TCTN1: variants seen among roughly 807,000 people sequenced by gnomAD.
TCTN1 encodes the protein tectonic-1.
TCTN1 carries 58 observed loss-of-function variants against 65.8 expected under a neutral mutation model. The observed-to-expected ratio is 0.88, with a 90% CI of 0.71 to 1.10. The LOEUF (loss-of-function observed/expected upper bound fraction) is 1.10, where lower values mean the gene tolerates loss of function less well. TCTN1 is among the 50% of genes least tolerant of loss of function. The pLI, the probability that TCTN1 is intolerant of heterozygous loss-of-function variation, is 0.00. For missense variants in TCTN1, 645 were observed against 719.4 expected, an observed-to-expected ratio of 0.90 and a Z score of 1.18; for synonymous variants, 273 against 289.1, an observed-to-expected ratio of 0.94 and a Z score of 0.57.
At chr12:110,637,544 A>C (rs1168815497) in intron 7 of TCTN1, among the ~76,000 whole-genome samples, 1 of 152,068 alleles carries the variant, frequency 6.6e-6, no homozygotes, top group Non-Finnish European at 1.5e-5. Flanking sequence ...ACCCTTTCTT[A>C]AATGCAGTCT....
At chr12:110,635,681 G>A (rs1378839598) in intron 6 of TCTN1, 6 of 152,266 alleles carry the variant, frequency 3.9e-5, no homozygotes, top group African/African-American at 9.6e-5. Context: ...AGAAACATAC[G>A]ATTATTGTCA....
At chr12:110,628,987 G>A (rs2066041897) in intron 4 of TCTN1, 69 bp downstream of exon 4, 1 of 1,590,558 alleles carries the variant, frequency 6.3e-7, no homozygotes, top group South Asian at 1.1e-5. Context: ...TAATTTTCAA[G>A]GTTACCAGGA....
At chr12:110,614,506 CTGTG>C (rs1485469797) in intron 1 of TCTN1, 104 bp downstream of exon 1, 2 of 1,537,394 alleles carry the variant, frequency 1.3e-6, no homozygotes, top group Non-Finnish European at 1.7e-6. Flanking sequence ...TGAGCACTTA[CTGTG>C]TGCAGACACT....
At chr12:110,622,596 C>T (rs2065513167) in intron 2 of TCTN1, among the ~76,000 whole-genome samples, 1 of 152,002 alleles carries the variant, frequency 6.6e-6, no homozygotes, top group African/African-American at 2.4e-5. Flanking sequence ...AAGGGCATTC[C>T]AGGCAGAGGG....
At chr12:110,647,687 T>C in intron 13 of TCTN1, 62 bp from the exon 14 acceptor site, 1 of 1,609,702 alleles carries the variant, frequency 6.2e-7, no homozygotes, top group South Asian at 1.1e-5. Flanking sequence ...GAAAAGTGTC[T>C]CATTGTTGTC....
At chr12:110,627,753 AT>A in intron 3 of TCTN1, 1 of 457,692 alleles carries the variant, frequency 2.2e-6, no homozygotes, top group Non-Finnish European at 3.8e-6. Flanking sequence ...CAGGATCTTT[AT>A]TTTTATCTGA....
Position 110,645,124 on chromosome 12 carries a change from A to G in TCTN1, c.1489A>G (p.Arg497Gly). ...CCACTTCATCACCCAGTCATTCAACAGGAAGGTAAAGGGGAGAAGGTACAG... is the reference window on the plus strand; with the variant it reads ...CCACTTCATCACCCAGTCATTCAACGGGAAGGTAAAGGGGAGAAGGTACAG... ...PIHFITQSFN[R>G]KHFVLQDSCQ... The change falls in exon 12 of 15, where the codon AGG becomes GGG. Residue 497 changes from arginine (R) to glycine (G), a missense_variant. Coordinates refer to ENST00000397659, the MANE Select transcript of TCTN1 (RefSeq NM_001082538.3). 6.2e-7 allele frequency: 1 copy of G among 1,613,994 alleles called. No homozygotes were observed. The highest frequency in any genetic ancestry group is 1.1e-5 in the South Asian group (1 of 91,080).
chr12:110,644,922 A>G lies in TCTN1; in HGVS notation c.1332-45A>G, dbSNP rs773778806. ...GAAGAAAATGAAAAACTGCTGGTGG[A>G]TGAACAACAGCCTCATTCAGTTGAC... On this transcript the variant is annotated intron_variant, in intron 11 of 14. Coordinates refer to ENST00000397659, the MANE Select transcript of TCTN1 (RefSeq NM_001082538.3). The surrounding 1 kb of genome is among the most constrained non-coding windows in gnomAD (Gnocchi z 4.6). 1.2e-6 allele frequency: 2 copies of G among 1,611,354 alleles called. No homozygotes were observed. The highest frequency in any genetic ancestry group is 2.7e-5 in the African/African-American group (2 of 74,892).
Position 110,641,009 on chromosome 12 carries a change from T to C in TCTN1, c.979-15T>C. On this transcript the variant is annotated splice_polypyrimidine_tract_variant and intron_variant, in intron 8 of 14. Coordinates refer to ENST00000397659, the MANE Select transcript of TCTN1 (RefSeq NM_001082538.3). ...TAATGGAACAGGTATATTTGGAGTA[T>C]CATTTTGTTTTTAGGTAAAGTACAG... 1.9e-6 allele frequency: 3 copies of C among 1,614,192 alleles called. No homozygotes were observed. The highest frequency in any genetic ancestry group is 1.3e-5 in the African/African-American group (1 of 75,054).
At chr12:110,646,522 G>C (rs894291140) in intron 12 of TCTN1, 2 of 153,022 alleles carry the variant, frequency 1.3e-5, no homozygotes, top group African/African-American at 4.8e-5. Flanking sequence ...TGCCAAGGCA[G>C]GAAAAAGCCC....
At chr12:110,622,055 T>C (rs1204454482) in intron 2 of TCTN1, among the ~76,000 whole-genome samples, 1 of 151,856 alleles carries the variant, frequency 6.6e-6, no homozygotes, top group African/African-American at 2.4e-5. Flanking sequence ...GGAGAATCGC[T>C]TGAACCTGGG....
In TCTN1 at chr12:110,641,547, T is replaced by C. The variant is rs1427411871; in HGVS notation, c.1110T>C (p.Asn370=). The C allele has an allele frequency of 6.2e-7, 1 of 1,614,188 alleles. No individual in the cohort carries two copies. Among genetic ancestry groups the C allele is most frequent in the Non-Finnish European group, 8.5e-7 (1 of 1,179,986 alleles). The change falls in exon 10 of 15, where the codon AAT becomes AAC. Residue 370 remains asparagine, a synonymous_variant. Transcript: ENST00000397659. ...ATTTCTGCATTGTCTTTCAGGAAAA[T>C]ACCCAGCCAGTCCCTCTCAGTGGAA... ...QKFEIHFLQE[N]TQPVPLSGNP... is the part of the protein sequence containing the mutation.
intron 3 of TCTN1, among the ~76,000 whole-genome samples, 180 bp from the exon 4 acceptor site, chr12:110,628,587 C>T (rs1230063901): frequency 1.3e-5 from 2 of 152,164 alleles, no homozygotes; most frequent in South Asian, 2.1e-4. Flanking sequence ...GCAGTCCGCC[C>T]GCCTTGGCCT....
chr12:110,630,848 G>A (rs897077370), intron 4 of TCTN1, among the ~76,000 whole-genome samples: 9 of 152,168 alleles, frequency 5.9e-5, no homozygotes, highest in Admixed American at 4.6e-4. Context: ...GAGCTTTTCA[G>A]GCATTACTTC....
chr12:110,619,460 G>C (rs1369118372), intron 1 of TCTN1, among the ~76,000 whole-genome samples: 1 of 152,178 alleles, frequency 6.6e-6, no homozygotes, highest in Non-Finnish European at 1.5e-5. Flanking sequence ...GTTTTAAACT[G>C]GTGGTTCTTA....
chr12:110,647,371 A>G, intron 13 of TCTN1, 35 bp downstream of exon 13: 2 of 1,613,302 alleles, frequency 1.2e-6, no homozygotes, highest in Non-Finnish European at 1.7e-6. Flanking sequence ...ATAGGTTAAG[A>G]CAGAAGTCTA....
In TCTN1 at chr12:110,641,116, A is replaced by C; in HGVS notation, c.1071A>C (p.Pro357=). Residue 357 remains proline (P), a synonymous_variant, in exon 9 of 15, where the codon CCA becomes CCC. Coordinates refer to ENST00000397659, the MANE Select transcript of TCTN1 (RefSeq NM_001082538.3). Reference sequence around the variant, plus strand: ...GGACAGTTAGCAGCGTAGTGGTCCCACTGCAGCAAAAGTTTGAAATTCATT... The same window carrying C: ...GGACAGTTAGCAGCGTAGTGGTCCCCCTGCAGCAAAAGTTTGAAATTCATT... ...VLGTVSSVVV[P]LQQKFEIHFL... 6.2e-7 allele frequency: 1 copy of C among 1,614,268 alleles called. No individual in the cohort carries two copies. Among genetic ancestry groups the C allele is most frequent in the South Asian group, 1.1e-5 (1 of 91,086 alleles).
In TCTN1 at chr12:110,647,776, C is replaced by CTTA. The variant is rs773918437; in HGVS notation, c.1666_1668dup (p.Ile556dup). ...CAACTCAGGAAATGAAAGGACGATT[C>CTTA]TTATTTCCACTGCGGTTACTTTTGT... is the stretch of plus-strand genomic sequence containing the variant. On this transcript the variant is annotated inframe_insertion, in exon 14 of 15. Transcript: ENST00000397659. 44 of 1,614,088 alleles carry CTTA rather than the reference C, an allele frequency of 2.7e-5. 1 individual carries two copies. The Admixed American group carries it at 7.0e-4, about 26-fold the overall frequency.
At chr12:110,624,093 T>TC (rs1178239199) in intron 2 of TCTN1, among the ~76,000 whole-genome samples, 2 of 152,082 alleles carry the variant, frequency 1.3e-5, no homozygotes, top group African/African-American at 4.8e-5. Context: ...CTGTCTATTT[T>TC]TTTTTTTTTT....
Sources: gnomAD v4.1 joint callset for allele counts (sites outside exome capture counted in the v4.1 genomes callset) on GRCh38, gnomAD v4.1.1 for gene constraint, Gnocchi (gnomAD v3.1) non-coding constraint, MANE v1.5 for transcripts, NCBI Gene and HGNC (gene_info 2026-07-23, HGNC 2026-07-21) for gene names.